The following CMTM8 variants were observed in gnomAD, a reference collection of about 807,000 sequenced individuals.
The protein encoded by CMTM8 is CKLF-like MARVEL transmembrane domain-containing protein 8.
Under a neutral mutation model 18.6 loss-of-function variants are expected in CMTM8, and 12 were observed. The observed-to-expected ratio is 0.65, with a 90% CI of 0.41 to 1.05. The LOEUF is 1.05. CMTM8 is among the 50% of genes least tolerant of loss of function. The probability of loss-of-function intolerance (pLI) is 0.00; values close to 1 mark genes in which losing one functional copy is unlikely to be tolerated. For synonymous variants in CMTM8, 87 were observed against 90.6 expected (o/e 0.96, Z 0.23); for missense variants, 217 against 227.2 (o/e 0.95, Z 0.29).
chr3:32,323,343 G>A (rs904585801), intron 1 of CMTM8, among the ~76,000 whole-genome samples: 4 of 152,232 alleles, frequency 2.6e-5, no homozygotes, highest in African/African-American at 7.2e-5. Context: ...TGAAACAACC[G>A]TTTTCACATT....
intron 1 of CMTM8, among the ~76,000 whole-genome samples, chr3:32,314,876 G>A (rs1466670550): frequency 6.6e-6 from 1 of 151,896 alleles, no homozygotes; most frequent in Admixed American, 6.6e-5. Context: ...GTCCAACTGA[G>A]GCCTTGTTGA....
chr3:32,272,315 G>A (rs887417801), intron 1 of CMTM8, among the ~76,000 whole-genome samples: 7 of 151,952 alleles, frequency 4.6e-5, no homozygotes, highest in African/African-American at 1.5e-4. Flanking sequence ...TTATCCTTGG[G>A]TTTGGTTGAG....
At chr3:32,350,773 T>G (rs1267875079) in intron 1 of CMTM8, among the ~76,000 whole-genome samples, 1 of 152,118 alleles carries the variant, frequency 6.6e-6, no homozygotes, top group Non-Finnish European at 1.5e-5. Context: ...TCCAGCCGCC[T>G]CAGCCTCCCA....
At chr3:32,272,735 T>C (rs1702457264) in intron 1 of CMTM8, among the ~76,000 whole-genome samples, 1 of 152,174 alleles carries the variant, frequency 6.6e-6, no homozygotes, top group South Asian at 2.1e-4. Context: ...CTTTTCACCC[T>C]CCACTCATTG....
intron 1 of CMTM8, among the ~76,000 whole-genome samples, chr3:32,275,114 C>T (rs1188393080): frequency 6.6e-6 from 1 of 152,140 alleles, no homozygotes; most frequent in Admixed American, 6.5e-5. Flanking sequence ...AAGCAGTCCT[C>T]CCACCTCAGC....
chr3:32,344,827 C>T (rs1057159013), intron 1 of CMTM8, among the ~76,000 whole-genome samples: 1 of 151,982 alleles, frequency 6.6e-6, no homozygotes, highest in African/African-American at 2.4e-5. Flanking sequence ...CCCAGGAGGT[C>T]GAGGCTGCAG....
rs145071832 is a variant in CMTM8, at chr3:32,288,702, A to G, written c.147+49583A>G. On this transcript the variant is annotated intron_variant, in intron 1 of 3. Coordinates refer to ENST00000307526, the MANE Select transcript of CMTM8 (RefSeq NM_178868.5). Reference sequence around the variant, plus strand: ...TTTTTAGTAGAGACGGCATTTCACCATGTTAGCCAGGATGTTCTCGATCTC... The same window carrying G: ...TTTTTAGTAGAGACGGCATTTCACCGTGTTAGCCAGGATGTTCTCGATCTC... 3.8e-3 allele frequency among the ~76,000 whole-genome samples: 585 copies of G among 152,136 alleles called. 4 individuals carry two copies. The highest frequency in any genetic ancestry group is 0.011 in the East Asian group (59 of 5,170).
chr3:32,253,595 C>T (rs373370314), intron 1 of CMTM8, among the ~76,000 whole-genome samples: 2 of 152,252 alleles, frequency 1.3e-5, no homozygotes, highest in South Asian at 2.1e-4. Flanking sequence ...TCAGGTGATC[C>T]ACCTGCCTCA....
At chr3:32,248,767 C>A (rs1308387480) in intron 1 of CMTM8, among the ~76,000 whole-genome samples, 1 of 151,986 alleles carries the variant, frequency 6.6e-6, no homozygotes, top group Non-Finnish European at 1.5e-5. Flanking sequence ...ATTGTAACCA[C>A]AAACTCCTGG....
intron 1 of CMTM8, among the ~76,000 whole-genome samples, chr3:32,280,372 G>A (rs989731603): frequency 1.3e-5 from 2 of 152,050 alleles, no homozygotes; most frequent in African/African-American, 4.8e-5. Context: ...ACTCTGATTG[G>A]TCCCCTTCTG....
At chr3:32,259,435 C>A in intron 1 of CMTM8, 6 of 825,564 alleles carry the variant, frequency 7.3e-6, no homozygotes, top group Non-Finnish European at 1.3e-5. Context: ...ACTTTAGAGT[C>A]AAGTATGAGA....
chr3:32,351,783 G>A (rs1340638934), intron 1 of CMTM8, among the ~76,000 whole-genome samples: 2 of 151,850 alleles, frequency 1.3e-5, no homozygotes, highest in Admixed American at 6.6e-5. Context: ...AAATAAAACT[G>A]GGTGGGGAAA....
intron 1 of CMTM8, among the ~76,000 whole-genome samples, chr3:32,286,302 A>C (rs1425209565): frequency 6.6e-6 from 1 of 152,204 alleles, no homozygotes; most frequent in Non-Finnish European, 1.5e-5. Context: ...AATTCTTTCC[A>C]ACCATTTCAA....
chr3:32,336,064 C>T (rs1334345674), intron 1 of CMTM8, among the ~76,000 whole-genome samples: 3 of 152,202 alleles, frequency 2.0e-5, no homozygotes, highest in Non-Finnish European at 4.4e-5. Flanking sequence ...AAATGCTTGG[C>T]GTCTTTGGTG....
At chr3:32,328,569 C>T (rs1433056226) in intron 1 of CMTM8, among the ~76,000 whole-genome samples, 1 of 146,014 alleles carries the variant, frequency 6.8e-6, no homozygotes, top group South Asian at 2.2e-4. Context: ...AAAAAAGCAA[C>T]ACTTAGTTGG....
At chr3:32,249,308 T>C (rs1462211555) in intron 1 of CMTM8, among the ~76,000 whole-genome samples, 2 of 151,742 alleles carry the variant, frequency 1.3e-5, no homozygotes, top group East Asian at 3.9e-4. Flanking sequence ...TGTGTGCCTG[T>C]AGTCCCAGCT....
intron 2 of CMTM8, among the ~76,000 whole-genome samples, chr3:32,363,282 T>C (rs1441900193): frequency 6.6e-6 from 1 of 152,220 alleles, no homozygotes; most frequent in African/African-American, 2.4e-5. Context: ...GACTCTGCCA[T>C]CTTTAACAGT....
intron 1 of CMTM8, among the ~76,000 whole-genome samples, chr3:32,248,147 T>C (rs904400859): frequency 6.6e-6 from 1 of 152,238 alleles, no homozygotes; most frequent in Non-Finnish European, 1.5e-5. Flanking sequence ...GTTCATGTTT[T>C]AATATCTGAA....
intron 1 of CMTM8, among the ~76,000 whole-genome samples, chr3:32,330,227 G>GA (rs1266813784): frequency 1.1e-5 from 1 of 92,266 alleles, no homozygotes; most frequent in African/African-American, 4.3e-5. Context: ...TGCAGAAATA[G>GA]AAAAAAAATC....
Sources: gnomAD v4.1 joint callset for allele counts (sites outside exome capture counted in the v4.1 genomes callset) on GRCh38, gnomAD v4.1.1 for gene constraint, MANE v1.5 for transcripts, NCBI Gene and HGNC (gene_info 2026-07-23, HGNC 2026-07-21) for gene names.